Variants in HYDIN observed in about 807,000 individuals in gnomAD.
HYDIN encodes HYDIN axonemal central pair apparatus protein.
A neutral mutation model predicts 403.9 loss-of-function variants in HYDIN; 132 were observed. The observed-to-expected ratio is 0.33, with a 90% CI of 0.28 to 0.38. The LOEUF is 0.38. Ranked by LOEUF, HYDIN falls within the 10% of genes least tolerant of loss-of-function variation. HYDIN has a pLI of 1.00. For missense variants in HYDIN, 2,827 were observed against 5,009.5 expected (o/e 0.56, Z 13.15); for synonymous variants, 1,202 against 1,891.7 (o/e 0.64, Z 9.46).
rs763463043 is a variant in HYDIN, at chr16:70,908,628, C to T, written c.8213+25G>A. The T allele has an allele frequency of 3.0e-4, 448 of 1,486,614 alleles. 1 individual carries two copies. Among genetic ancestry groups the T allele is most frequent in the Non-Finnish European group, 7.9e-5 (86 of 1,087,440 alleles). The allele number at this position is 1,486,614 out of a possible 1,614,324, so 92.1% of individuals were successfully genotyped here. A position where few individuals can be genotyped will look rare whatever the true frequency, so the allele number is the denominator to read the frequency against. ...AGTGTGGGCTTTGGCCCAGATTCCC[C>T]TCCCTGGGTTGCTGGAAGGCCCACC... On this transcript the variant is annotated intron_variant, in intron 48 of 85. Coordinates refer to ENST00000393567, the MANE Select transcript of HYDIN (RefSeq NM_001270974.2).
chr16:70,804,061 T>C lies in HYDIN; in HGVS notation c.*3519A>G, dbSNP rs1194800871. 6.6e-6 allele frequency among the ~76,000 whole-genome samples: 1 copy of C among 152,246 alleles called. No individual in the cohort carries two copies. The highest frequency in any genetic ancestry group is 1.5e-5 in the Non-Finnish European group (1 of 68,040). ...CATCAAGCCTGCTGTTAAGCTACTT[T>C]GCCATTCCAAATTTGCTAATATAAG... is the stretch of plus-strand genomic sequence containing the variant. On this transcript the variant is annotated 3_prime_UTR_variant, in exon 86 of 86. Coordinates refer to ENST00000393567, the MANE Select transcript of HYDIN (RefSeq NM_001270974.2).
chr16:71,029,164 G>C (rs981680042), intron 19 of HYDIN, among the ~76,000 whole-genome samples: 7 of 151,978 alleles, frequency 4.6e-5, no homozygotes, highest in Non-Finnish European at 7.4e-5. Flanking sequence ...AAATATTTTA[G>C]GCTTTTTGGG....
intron 10 of HYDIN, among the ~76,000 whole-genome samples, chr16:71,101,674 T>A (rs2144409384): frequency 6.6e-6 from 1 of 152,168 alleles, no homozygotes; most frequent in Non-Finnish European, 1.5e-5. Flanking sequence ...AGGAGCAAAA[T>A]TTTAAAAGTT....
In HYDIN at chr16:70,803,299, T is replaced by C. The variant is rs1303919921; in HGVS notation, c.*4281A>G. Among the ~76,000 whole-genome samples the C allele has an allele frequency of 6.6e-6, 1 of 152,226 alleles. No individual in the cohort carries two copies. Among genetic ancestry groups the C allele is most frequent in the African/African-American group, 2.4e-5 (1 of 41,454 alleles). On this transcript the variant is annotated 3_prime_UTR_variant, in exon 86 of 86. Transcript: ENST00000393567. ...TTCCTAGAAAGAAGTGGTTCTTTTC[T>C]CTAATATCTTGAAAAATGCCAACTA... is the stretch of plus-strand genomic sequence containing the variant.
intron 41 of HYDIN, among the ~76,000 whole-genome samples, chr16:70,950,478 G>A (rs926728213): frequency 4.6e-5 from 7 of 151,606 alleles, no homozygotes; most frequent in South Asian, 4.2e-4. Flanking sequence ...GGCTGGCCTT[G>A]AACTCCTGGC....
At chr16:71,023,205 A>C (rs1384880786) in intron 21 of HYDIN, among the ~76,000 whole-genome samples, 2 of 151,580 alleles carry the variant, frequency 1.3e-5, no homozygotes, top group African/African-American at 4.8e-5. Context: ...CTCTTGTCGT[A>C]TTTTCCTTTT....
chr16:71,004,766 T>C (rs544818189), intron 23 of HYDIN, among the ~76,000 whole-genome samples: 36 of 152,200 alleles, frequency 2.4e-4, no homozygotes, highest in Non-Finnish European at 4.4e-4. Flanking sequence ...TTGTCTTTTA[T>C]ATTTTTCTCT....
intron 45 of HYDIN, among the ~76,000 whole-genome samples, chr16:70,930,879 C>T (rs1199629964): frequency 1.3e-5 from 2 of 152,082 alleles, no homozygotes; most frequent in Non-Finnish European, 2.9e-5. Flanking sequence ...GGATGTGATA[C>T]AAAATTACTT....
At chr16:71,168,656 C>G (rs1208748843) in intron 5 of HYDIN, among the ~76,000 whole-genome samples, 5 of 152,182 alleles carry the variant, frequency 3.3e-5, no homozygotes, top group Non-Finnish European at 7.4e-5. Context: ...TCGATGTCAC[C>G]CTGTGGGGCA....
rs1398611024 is a variant in HYDIN, at chr16:70,809,860, T to A, written c.14806A>T (p.Thr4936Ser). 4 of 1,614,094 alleles carry A rather than the reference T, an allele frequency of 2.5e-6. No individual in the cohort carries two copies. In the East Asian group the frequency reaches 8.9e-5, roughly 36 times the overall value. Reference protein sequence around the residue: ...ALPEKPVHFQTVLGSSQIILV... With the variant: ...ALPEKPVHFQSVLGSSQIILV... ...ATGATTTGGCTGCTGCCAAGGACAG[T>A]CTGGAAGTGAACAGGCTTTTCCGGA... The change falls in exon 85 of 86, where the codon ACT becomes TCT. Residue 4936 changes from threonine to serine, a missense_variant. Coordinates refer to ENST00000393567, the MANE Select transcript of HYDIN (RefSeq NM_001270974.2).
At chr16:71,009,386 C>CTTT (rs59977381) in intron 23 of HYDIN, among the ~76,000 whole-genome samples, 1 of 144,574 alleles carries the variant, frequency 6.9e-6, no homozygotes. Context: ...TTTTTCTTTT[C>CTTT]TTTTTTTTTT....
chr16:71,179,486 T>G (rs2086815392), intron 3 of HYDIN, among the ~76,000 whole-genome samples: 1 of 152,232 alleles, frequency 6.6e-6, no homozygotes, highest in South Asian at 2.1e-4. Context: ...CAAAGGGTAT[T>G]CTTTATGGAG....
rs77192535 is a variant in HYDIN at position 70,901,584 on chromosome 16, C to CT, written c.8850-383dup. Among the ~76,000 whole-genome samples the CT allele has an allele frequency of 2.3e-3, 282 of 123,304 alleles. 2 individuals are homozygous for CT. Among genetic ancestry groups the CT allele is most frequent in the South Asian group, 4.3e-3 (17 of 3,978 alleles). 80.9% of individuals were successfully genotyped at this position (123,304 alleles called of 152,430 possible). A position where few individuals can be genotyped will look rare whatever the true frequency, so the allele number is the denominator to read the frequency against. The stretch of plus-strand genomic sequence containing the variant: ...ATAATACTTAGCATATATTTTCTTT[C>CT]TTTTTTTTTTTTTTTTTTGGAGACG... On this transcript the variant is annotated intron_variant, in intron 52 of 85. Coordinates refer to ENST00000393567, the MANE Select transcript of HYDIN (RefSeq NM_001270974.2).
chr16:71,051,661 A>AAAAAAAAAAAAAAAAAAAAAAG (rs2081649826), intron 18 of HYDIN, among the ~76,000 whole-genome samples: 1 of 107,912 alleles, frequency 9.3e-6, no homozygotes, highest in Non-Finnish European at 2.1e-5. Flanking sequence ...AAAAAAAAAC[A>AAAAAAAAAAAAAAAAAAAAAAG]AAAAAAACAA....
chr16:71,129,552 C>T (rs2084619784), intron 9 of HYDIN, 88 bp downstream of exon 9: 4 of 1,325,490 alleles, frequency 3.0e-6, no homozygotes, highest in African/African-American at 3.0e-5. Context: ...AACTCACCGT[C>T]TCAATCCCCA....
intron 7 of HYDIN, among the ~76,000 whole-genome samples, chr16:71,148,744 G>C (rs1350504557): frequency 6.9e-6 from 1 of 145,978 alleles, no homozygotes; most frequent in Admixed American, 6.6e-5. Context: ...CTTATATAAA[G>C]AATATATATA....
intron 45 of HYDIN, chr16:70,933,830 G>C (rs60363895): frequency 2.0e-5 from 3 of 153,526 alleles, no homozygotes; most frequent in African/African-American, 7.2e-5. Flanking sequence ...CCTTCACTTC[G>C]TTTTGGAATT....
At chr16:70,978,811 C>T (rs561899343) in intron 30 of HYDIN, 103 bp downstream of exon 30, 4 of 853,758 alleles carry the variant, frequency 4.7e-6, no homozygotes, top group Middle Eastern at 3.0e-4. Flanking sequence ...TGCACACACA[C>T]CCCACACACT....
intron 24 of HYDIN, 78 bp downstream of exon 24, chr16:70,991,992 G>A (rs1251141723): frequency 1.1e-5 from 18 of 1,600,026 alleles, no homozygotes; most frequent in African/African-American, 6.7e-5. Context: ...AACCAATGAG[G>A]GATGAGTATT....
Sources: gnomAD v4.1 joint callset for allele counts (sites outside exome capture counted in the v4.1 genomes callset) on GRCh38, gnomAD v4.1.1 for gene constraint, MANE v1.5 for transcripts, NCBI Gene and HGNC (gene_info 2026-07-23, HGNC 2026-07-21) for gene names.